Variants in NTM observed in about 807,000 individuals in gnomAD.
The protein encoded by NTM is IgLON family member 2.
Under a neutral mutation model 42.1 loss-of-function variants are expected in NTM, and 13 were observed. That is an observed-to-expected ratio of 0.31 (90% CI 0.20 to 0.49). The LOEUF (loss-of-function observed/expected upper bound fraction) is 0.49. NTM is among the 20% of genes least tolerant of loss of function. NTM has a pLI of 0.99. For missense variants in NTM, 373 were observed against 452.8 expected (o/e 0.82, Z 1.60); for synonymous variants, 187 against 179.2 (o/e 1.04, Z -0.35).
chr11:132,117,050 C>A lies in NTM; in HGVS notation c.168-29232C>A, dbSNP rs565055759. 4.6e-5 allele frequency among the ~76,000 whole-genome samples: 7 copies of A among 152,288 alleles called. 1 individual carries two copies. The highest frequency in any genetic ancestry group is 1.7e-4 in the African/African-American group (7 of 41,570). ...ATCAAGGCAGACTCTCATCAGCCCC[C>A]AAAGTCATAGAAGTCCAAAGTTCCA... On this transcript the variant is annotated intron_variant, in intron 2 of 8. Coordinates refer to ENST00000683400, the MANE Select transcript of NTM (RefSeq NM_001352005.2).
intron 1 of NTM, among the ~76,000 whole-genome samples, chr11:131,544,274 A>G (rs2053640038): frequency 6.6e-6 from 1 of 152,248 alleles, no homozygotes; most frequent in Non-Finnish European, 1.5e-5. Context: ...GCTTCAAAAA[A>G]TTAAAATACT....
intron 2 of NTM, among the ~76,000 whole-genome samples, chr11:131,977,373 C>A (rs141165303): frequency 6.6e-6 from 1 of 152,362 alleles, no homozygotes; most frequent in Non-Finnish European, 1.5e-5. Context: ...TGGTGTATGT[C>A]ATGCAAGGCT....
intron 1 of NTM, among the ~76,000 whole-genome samples, chr11:131,454,393 T>A (rs537477532): frequency 6.6e-6 from 1 of 152,192 alleles, no homozygotes. Flanking sequence ...TATTCCCTTT[T>A]CTCTCTTAAA....
At chr11:131,610,302 G>T (rs1003700191) in intron 1 of NTM, among the ~76,000 whole-genome samples, 1 of 152,206 alleles carries the variant, frequency 6.6e-6, no homozygotes, top group African/African-American at 2.4e-5. Flanking sequence ...ATTAAACCAT[G>T]GCAGGAAACC....
At chr11:132,266,307 C>T (rs549062030) in intron 4 of NTM, among the ~76,000 whole-genome samples, 3 of 152,156 alleles carry the variant, frequency 2.0e-5, no homozygotes, top group Non-Finnish European at 4.4e-5. Flanking sequence ...GAGGTGAGTC[C>T]AGCTAAGGCA....
chr11:132,004,476 A>G (rs550487363), intron 2 of NTM, among the ~76,000 whole-genome samples: 196 of 152,234 alleles, frequency 1.3e-3, no homozygotes, highest in Non-Finnish European at 2.4e-3. Context: ...AACTTCCTCA[A>G]TGACCATTGA....
intron 2 of NTM, among the ~76,000 whole-genome samples, chr11:131,919,100 G>A (rs892588141): frequency 2.3e-5 from 3 of 130,226 alleles, no homozygotes; most frequent in Non-Finnish European, 4.7e-5. Flanking sequence ...AGAGGGACCA[G>A]CTCCAAAACG....
At chr11:131,995,020 G>A (rs1316799614) in intron 2 of NTM, among the ~76,000 whole-genome samples, 2 of 152,028 alleles carry the variant, frequency 1.3e-5, no homozygotes, top group Non-Finnish European at 2.9e-5. Context: ...TCAGACTGTT[G>A]TTCCCTCTTA....
chr11:132,210,428 T>C (rs2082653006), intron 3 of NTM, among the ~76,000 whole-genome samples: 1 of 152,188 alleles, frequency 6.6e-6, no homozygotes, highest in African/African-American at 2.4e-5. Flanking sequence ...CTGTAAATAT[T>C]TGTTGAGCTC....
chr11:132,236,303 T>C (rs1384344654), intron 4 of NTM, among the ~76,000 whole-genome samples: 1 of 152,196 alleles, frequency 6.6e-6, no homozygotes, highest in African/African-American at 2.4e-5. Flanking sequence ...CAAAGTTATA[T>C]AGTAATAACT....
chr11:131,982,086 A>C (rs1342175729), intron 2 of NTM, among the ~76,000 whole-genome samples: 1 of 152,028 alleles, frequency 6.6e-6, no homozygotes, highest in Non-Finnish European at 1.5e-5. Context: ...AAAAACACTA[A>C]AAGGAAAAAA....
At chr11:132,287,059 T>C (rs1353411321) in intron 4 of NTM, among the ~76,000 whole-genome samples, 3 of 152,174 alleles carry the variant, frequency 2.0e-5, no homozygotes, top group Non-Finnish European at 2.9e-5. Flanking sequence ...TTCAAAATAT[T>C]TTCTAGACCA....
At chr11:131,736,560 C>T (rs929727655) in intron 1 of NTM, among the ~76,000 whole-genome samples, 2 of 152,184 alleles carry the variant, frequency 1.3e-5, no homozygotes, top group African/African-American at 4.8e-5. Context: ...AAATGGATCT[C>T]ACTTTCTGTT....
At chr11:132,147,500 G>A (rs1372636632) in intron 3 of NTM, among the ~76,000 whole-genome samples, 6 of 152,154 alleles carry the variant, frequency 3.9e-5, no homozygotes, top group South Asian at 2.1e-4. Flanking sequence ...TAGAAAACAC[G>A]TAGAAGAGGG....
chr11:131,513,780 G>A (rs392498), intron 1 of NTM, among the ~76,000 whole-genome samples: 1 of 152,102 alleles, frequency 6.6e-6, no homozygotes, highest in Non-Finnish European at 1.5e-5. Flanking sequence ...AAGTATTGTT[G>A]TGTAAAGGTC....
intron 2 of NTM, among the ~76,000 whole-genome samples, chr11:132,009,441 G>T (rs1171547582): frequency 2.0e-5 from 3 of 152,186 alleles, no homozygotes; most frequent in Non-Finnish European, 4.4e-5. Flanking sequence ...GTGAGCAGAA[G>T]AAAGGGAATA....
At chr11:131,616,457 C>A (rs950780909) in intron 1 of NTM, among the ~76,000 whole-genome samples, 2 of 152,202 alleles carry the variant, frequency 1.3e-5, no homozygotes, top group Non-Finnish European at 2.9e-5. Flanking sequence ...AAAATTGCCA[C>A]TGCTGATTCT....
At chr11:131,598,848 T>TCTTCCTTC (rs1310902703) in intron 1 of NTM, among the ~76,000 whole-genome samples, 1 of 41,192 alleles carries the variant, frequency 2.4e-5, no homozygotes, top group African/African-American at 7.8e-5. Context: ...TTTCTTTCTT[T>TCTTCCTTC]CTTCCTTCCT....
chr11:132,019,488 T>G (rs1319233764), intron 2 of NTM, among the ~76,000 whole-genome samples: 1 of 152,066 alleles, frequency 6.6e-6, no homozygotes, highest in Non-Finnish European at 1.5e-5. Flanking sequence ...ATTTTGAGAT[T>G]GTGCTTTTAG....
Sources: gnomAD v4.1 joint callset for allele counts (sites outside exome capture counted in the v4.1 genomes callset) on GRCh38, gnomAD v4.1.1 for gene constraint, MANE v1.5 for transcripts, NCBI Gene and HGNC (gene_info 2026-07-23, HGNC 2026-07-21) for gene names.